The following ADK variants were observed in gnomAD, a reference collection of about 807,000 sequenced individuals.
The protein encoded by ADK is N6,N6-dimethyladenosine kinase.
Under a neutral mutation model 44.7 loss-of-function variants are expected in ADK, and 24 were observed. That is an observed-to-expected ratio of 0.54 (90% CI 0.39 to 0.76). The LOEUF is 0.76. Among genes scored for constraint, ADK ranks in the 30% least tolerant of loss-of-function variants. ADK has a pLI of 0.00. For synonymous variants in ADK, 128 were observed against 142.6 expected (o/e 0.90, Z 0.73); for missense variants, 321 against 425.1 (o/e 0.76, Z 2.15).
intron 2 of ADK, among the ~76,000 whole-genome samples, chr10:74,210,745 T>A (rs10824114): frequency 0.21 from 31,484 of 152,202 alleles, 4,423 homozygotes; most frequent in African/African-American, 0.4. Flanking sequence ...AAAATTTATT[T>A]CTTCTACAAA....
At chr10:74,514,531 CTGT>C (rs1848484625) in intron 6 of ADK, among the ~76,000 whole-genome samples, 1 of 151,562 alleles carries the variant, frequency 6.6e-6, no homozygotes, top group East Asian at 1.9e-4. Context: ...TTGGTCTAGT[CTGT>C]TGTTTAGCTC....
intron 2 of ADK, among the ~76,000 whole-genome samples, chr10:74,206,512 A>C (rs1843602535): frequency 6.6e-6 from 1 of 152,152 alleles, no homozygotes; most frequent in South Asian, 2.1e-4. Flanking sequence ...AGGCTTGCAG[A>C]GAATTACCTT....
chr10:74,235,580 G>C (rs1366758465), intron 3 of ADK, among the ~76,000 whole-genome samples: 1 of 152,056 alleles, frequency 6.6e-6, no homozygotes. Flanking sequence ...TTAGGATTAC[G>C]GGCGTGAGCC....
intron 6 of ADK, among the ~76,000 whole-genome samples, chr10:74,489,832 T>C (rs1240106734): frequency 6.6e-6 from 1 of 152,026 alleles, no homozygotes; most frequent in Non-Finnish European, 1.5e-5. Flanking sequence ...CACATTATTA[T>C]ATCTAGTTCC....
intron 3 of ADK, among the ~76,000 whole-genome samples, chr10:74,278,225 G>C (rs1846775381): frequency 6.6e-6 from 1 of 151,700 alleles, no homozygotes; most frequent in South Asian, 2.1e-4. Flanking sequence ...TTAGTGGCAG[G>C]CACCTGTAAA....
chr10:74,590,151 TATG>T (rs1326218690), intron 8 of ADK, among the ~76,000 whole-genome samples: 1 of 152,210 alleles, frequency 6.6e-6, no homozygotes. Context: ...TGTTTATGAC[TATG>T]ATATTTATTG....
chr10:74,395,770 G>C (rs961369152), intron 5 of ADK, among the ~76,000 whole-genome samples: 1 of 152,216 alleles, frequency 6.6e-6, no homozygotes, highest in Admixed American at 6.5e-5. Context: ...TGTAATCCCA[G>C]CACTTTGGGA....
chr10:74,582,530 A>C (rs930269640), intron 7 of ADK, among the ~76,000 whole-genome samples: 9 of 152,180 alleles, frequency 5.9e-5, no homozygotes, highest in African/African-American at 2.2e-4. Context: ...AAATATGCTT[A>C]AAAGTGGGAA....
At chr10:74,617,849 C>T (rs1564821596) in intron 9 of ADK, among the ~76,000 whole-genome samples, 1 of 152,172 alleles carries the variant, frequency 6.6e-6, no homozygotes, top group Non-Finnish European at 1.5e-5. Context: ...ACCTTGGGCT[C>T]CCATAGTGCG....
At chr10:74,463,122 T>A (rs1012541988) in intron 6 of ADK, among the ~76,000 whole-genome samples, 6 of 152,110 alleles carry the variant, frequency 3.9e-5, no homozygotes, top group African/African-American at 1.2e-4. Flanking sequence ...TTACTATTTA[T>A]TAGATTCACC....
At chr10:74,683,026 T>G (rs940831770) in intron 10 of ADK, among the ~76,000 whole-genome samples, 1 of 152,266 alleles carries the variant, frequency 6.6e-6, no homozygotes, top group Non-Finnish European at 1.5e-5. Flanking sequence ...AGTTCATGAC[T>G]AATTGGTAGT....
intron 9 of ADK, among the ~76,000 whole-genome samples, chr10:74,632,976 C>G (rs2134068260): frequency 6.6e-6 from 1 of 152,210 alleles, no homozygotes; most frequent in South Asian, 2.1e-4. Context: ...TTTCATATCA[C>G]TTCACAGAGC....
chr10:74,554,866 A>C (rs1223148685), intron 7 of ADK, among the ~76,000 whole-genome samples: 1 of 152,124 alleles, frequency 6.6e-6, no homozygotes, highest in Non-Finnish European at 1.5e-5. Flanking sequence ...TAAAAATATG[A>C]TTTGGTATAT....
chr10:74,202,427 A>C (rs912875717), intron 2 of ADK, among the ~76,000 whole-genome samples: 7 of 152,254 alleles, frequency 4.6e-5, no homozygotes, highest in Non-Finnish European at 7.4e-5. Flanking sequence ...ATGAATATTC[A>C]TGTATAAGCT....
In ADK at chr10:74,610,078, A is replaced by G. The variant is rs79183476; in HGVS notation, c.877+9585A>G. ...AATTCCACAGCAGAGTATATGTCCA[A>G]AATAATTGAAGCAGGAACCTAAACA... On this transcript the variant is annotated intron_variant, in intron 9 of 10. Transcript: ENST00000539909. Among the ~76,000 whole-genome samples, 44 of 152,308 alleles carry G rather than the reference A, an allele frequency of 2.9e-4. No homozygotes were observed. The East Asian group carries it at 7.3e-3, about 25-fold the overall frequency.
intron 9 of ADK, among the ~76,000 whole-genome samples, chr10:74,639,301 T>A (rs2134091716): frequency 6.6e-6 from 1 of 152,354 alleles, no homozygotes; most frequent in Admixed American, 6.5e-5. Flanking sequence ...AAAGTTTTCA[T>A]ATCCTTTTAT....
Position 74,699,505 on chromosome 10 carries a change from C to T in ADK, c.965-8816C>T, listed in dbSNP as rs184277410. 4.1e-3 allele frequency among the ~76,000 whole-genome samples: 620 copies of T among 152,132 alleles called. 17 individuals are homozygous for T. The highest frequency in any genetic ancestry group is 0.035 in the Admixed American group (530 of 15,258). On this transcript the variant is annotated intron_variant, in intron 10 of 10. Transcript: ENST00000539909. ...CCAGCCTGGCCAACATGGTGAAACC[C>T]GTCTCTACTGAAAATACAAAAACTA...
intron 4 of ADK, among the ~76,000 whole-genome samples, chr10:74,351,950 A>T (rs1309182961): frequency 6.6e-6 from 1 of 152,194 alleles, no homozygotes; most frequent in African/African-American, 2.4e-5. Flanking sequence ...TTCAGTGTTC[A>T]TGGATAGGAA....
chr10:74,555,397 C>G (rs568495554), intron 7 of ADK, among the ~76,000 whole-genome samples: 31 of 151,856 alleles, frequency 2.0e-4, no homozygotes, highest in Non-Finnish European at 4.0e-4. Flanking sequence ...GTGCCATAAG[C>G]CAGAATTATA....
Sources: allele counts gnomAD v4.1 joint callset (sites outside exome capture counted in the v4.1 genomes callset), GRCh38; gene constraint gnomAD v4.1.1; transcripts MANE v1.5; gene names NCBI Gene and HGNC (gene_info 2026-07-23, HGNC 2026-07-21).